CNBD1: variants seen among roughly 807,000 people sequenced by gnomAD.
CNBD1 encodes the protein cyclic nucleotide-binding domain-containing protein 1.
CNBD1 carries 71 observed loss-of-function variants against 54.4 expected under a neutral mutation model. That is an observed-to-expected ratio of 1.30 (90% CI 1.08 to 1.59). The LOEUF (loss-of-function observed/expected upper bound fraction) is 1.59. Among genes scored for constraint, CNBD1 ranks in the 40% most tolerant of loss-of-function variants. The pLI, the probability that CNBD1 is intolerant of heterozygous loss-of-function variation, is 0.00. For synonymous variants in CNBD1, 182 were observed against 170.7 expected (o/e 1.07, Z -0.51); for missense variants, 659 against 518.0 (o/e 1.27, Z -2.64).
chr8:87,021,874 AT>A (rs1809494995), intron 4 of CNBD1, among the ~76,000 whole-genome samples: 1 of 152,242 alleles, frequency 6.6e-6, no homozygotes, highest in African/African-American at 2.4e-5. Context: ...TATTTACCAG[AT>A]TTGTGCTTAT....
chr8:86,962,805 A>G (rs754891071), intron 4 of CNBD1, among the ~76,000 whole-genome samples: 5 of 152,038 alleles, frequency 3.3e-5, no homozygotes, highest in Non-Finnish European at 7.4e-5. Context: ...ACAAAAAACA[A>G]AAAACAAAAC....
chr8:87,093,610 G>A (rs1442998026), intron 4 of CNBD1, among the ~76,000 whole-genome samples: 5 of 152,158 alleles, frequency 3.3e-5, no homozygotes, highest in African/African-American at 1.2e-4. Flanking sequence ...CGAGATTGCT[G>A]TTTGACCAAA....
At position 87,423,320 on chromosome 8, in the gene CNBD1, G is replaced by A. The variant is rs1490816919; in HGVS notation, c.214-5226G>A. The stretch of plus-strand genomic sequence containing the variant: ...AGAACTTCCAACACTATGTTGAATA[G>A]GAGTGGTGAGAGAGGGCATCCCTGT... On this transcript the variant is annotated intron_variant, in intron 2 of 7. Coordinates refer to the CNBD1 transcript ENST00000521593. 8.9e-4 allele frequency among the ~76,000 whole-genome samples: 132 copies of A among 148,448 alleles called. 1 individual carries two copies. Among genetic ancestry groups the A allele is most frequent in the Non-Finnish European group, 1.3e-3 (90 of 66,982 alleles).
rs569539649 is a variant in CNBD1 at position 87,306,246 on chromosome 8, A to G, written c.1042+19575A>G. ...AAGAGTAGCCATAATCAAAAAATCA[A>G]TAAAACAGTAGATGGTGGTGTGGCT... On this transcript the variant is annotated intron_variant, in intron 8 of 10. Transcript: ENST00000518476. Among the ~76,000 whole-genome samples the G allele has an allele frequency of 7.2e-4, 109 of 152,252 alleles. 1 individual carries two copies. The highest frequency in any genetic ancestry group is 2.6e-3 in the African/African-American group (106 of 41,560).
At chr8:87,237,524 T>C (rs1416335941) in intron 6 of CNBD1, among the ~76,000 whole-genome samples, 1 of 152,158 alleles carries the variant, frequency 6.6e-6, no homozygotes, top group Non-Finnish European at 1.5e-5. Context: ...AATGCTAAGA[T>C]AGTCAAGTAG....
At chr8:87,070,580 GA>G (rs1406756089) in intron 4 of CNBD1, among the ~76,000 whole-genome samples, 1 of 151,966 alleles carries the variant, frequency 6.6e-6, no homozygotes, top group African/African-American at 2.4e-5. Context: ...GAGAAAAAGA[GA>G]TTTTTTTTTC....
intron 6 of CNBD1, among the ~76,000 whole-genome samples, chr8:87,259,049 C>T (rs998433480): frequency 6.6e-6 from 1 of 152,128 alleles, no homozygotes; most frequent in African/African-American, 2.4e-5. Flanking sequence ...TCCTTACACA[C>T]CTTGTATGTA....
intron 8 of CNBD1, among the ~76,000 whole-genome samples, chr8:87,305,589 A>G (rs1043190673): frequency 1.3e-5 from 2 of 152,196 alleles, no homozygotes; most frequent in African/African-American, 4.8e-5. Flanking sequence ...TAGAGAACAC[A>G]GAAATAAACC....
chr8:86,886,955 T>G (rs932317260), intron 1 of CNBD1, among the ~76,000 whole-genome samples: 1 of 152,230 alleles, frequency 6.6e-6, no homozygotes, highest in Non-Finnish European at 1.5e-5. Context: ...ACAATTAGTT[T>G]GCTTTTTGGC....
intron 8 of CNBD1, among the ~76,000 whole-genome samples, chr8:87,288,723 G>A (rs1322076500): frequency 1.3e-5 from 2 of 151,946 alleles, no homozygotes; most frequent in Admixed American, 6.6e-5. Context: ...TTAAACTACC[G>A]ATAGCATTGG....
At chr8:87,126,098 T>C (rs1811984917) in intron 4 of CNBD1, among the ~76,000 whole-genome samples, 1 of 151,974 alleles carries the variant, frequency 6.6e-6, no homozygotes. Flanking sequence ...TTCAATTGTT[T>C]ATAGTTTCTG....
At chr8:87,175,894 G>C (rs899271285) in intron 4 of CNBD1, among the ~76,000 whole-genome samples, 3 of 152,196 alleles carry the variant, frequency 2.0e-5, no homozygotes, top group Admixed American at 2.0e-4. Context: ...CAAGTTCTGA[G>C]TGCTGGGATG....
rs1031136208 is a variant in CNBD1, at chr8:87,086,444, C to G, written c.432-119549C>G. The stretch of plus-strand genomic sequence containing the variant: ...AAGGTGGGAGAGGCATTCTTTCCAG[C>G]TTTTTACTTGCTAAGCCAAATGCAA... On this transcript the variant is annotated intron_variant, in intron 4 of 10. Transcript: ENST00000518476. 1.9e-4 allele frequency among the ~76,000 whole-genome samples: 29 copies of G among 152,112 alleles called. 1 individual carries two copies. Among genetic ancestry groups the G allele is most frequent in the Non-Finnish European group, 7.4e-5 (5 of 68,014 alleles).
chr8:87,066,700 A>T (rs903550484), intron 4 of CNBD1, among the ~76,000 whole-genome samples: 17 of 151,920 alleles, frequency 1.1e-4, no homozygotes, highest in Non-Finnish European at 1.9e-4. Context: ...TACTGAGAAA[A>T]TCAAGTATTT....
intron 2 of CNBD1, among the ~76,000 whole-genome samples, chr8:87,412,223 A>G (rs187456115): frequency 2.0e-5 from 3 of 152,250 alleles, no homozygotes; most frequent in East Asian, 1.9e-4. Flanking sequence ...TGTAATCTCC[A>G]TCATCATCTA....
At chr8:87,358,798 G>A (rs956385341) in intron 10 of CNBD1, among the ~76,000 whole-genome samples, 1 of 152,132 alleles carries the variant, frequency 6.6e-6, no homozygotes, top group Non-Finnish European at 1.5e-5. Context: ...GCAGACAGGA[G>A]GCAGTTGTAT....
chr8:86,887,444 C>G (rs1390549743), intron 1 of CNBD1, 98 bp from the exon 2 acceptor site: 1 of 740,402 alleles, frequency 1.4e-6, no homozygotes, highest in Non-Finnish European at 2.3e-6. Context: ...TCACTGAATT[C>G]TTTCACTATG....
intron 1 of CNBD1, among the ~76,000 whole-genome samples, chr8:86,883,438 A>T (rs1310383243): frequency 6.6e-6 from 1 of 152,216 alleles, no homozygotes; most frequent in Admixed American, 6.5e-5. Context: ...GAAGACATGA[A>T]TGCAGATAAG....
In CNBD1 at chr8:86,935,092, A is replaced by G. The variant is rs145797242; in HGVS notation, c.273-4504A>G. ...GCTTTGTTGCCCAGGCTGGAGTGCA[A>G]TGGCGTGATCTCAGCTCACTGCAAG... is the stretch of plus-strand genomic sequence containing the variant. On this transcript the variant is annotated intron_variant, in intron 3 of 10. Coordinates refer to ENST00000518476, the MANE Select transcript of CNBD1 (RefSeq NM_173538.3). Among the ~76,000 whole-genome samples, 1,069 of 151,966 alleles carry G rather than the reference A, an allele frequency of 7.0e-3. 33 individuals carry two copies. Among genetic ancestry groups the G allele is most frequent in the Admixed American group, 0.05 (768 of 15,240 alleles).
Sources: allele counts gnomAD v4.1 joint callset (sites outside exome capture counted in the v4.1 genomes callset), GRCh38; gene constraint gnomAD v4.1.1; transcripts MANE v1.5; gene names NCBI Gene and HGNC (gene_info 2026-07-23, HGNC 2026-07-21).